SCGB2A1: variants seen among roughly 807,000 people sequenced by gnomAD.
The protein encoded by SCGB2A1 is secretoglobin family 2A member 1.
Under a neutral mutation model 9.2 loss-of-function variants are expected in SCGB2A1, and 6 were observed. That is an observed-to-expected ratio of 0.66 (90% CI 0.36 to 1.29). The LOEUF (loss-of-function observed/expected upper bound fraction) is 1.29. SCGB2A1 is among the 50% of genes most tolerant of loss of function. The probability of loss-of-function intolerance (pLI) is 0.03; values close to 1 mark genes in which losing one functional copy is unlikely to be tolerated. For missense variants in SCGB2A1, 138 were observed against 116.9 expected, an observed-to-expected ratio of 1.18 and a Z score of -0.83; for synonymous variants, 37 against 41.0, an observed-to-expected ratio of 0.90 and a Z score of 0.37.
intron 2 of SCGB2A1, among the ~76,000 whole-genome samples, chr11:62,211,410 AT>A (rs1944830099): frequency 6.6e-6 from 1 of 151,422 alleles, no homozygotes; most frequent in Admixed American, 6.6e-5. Context: ...AAAGAAAAAA[AT>A]TTTTTTGAGA....
At chr11:62,209,026 CG>C (rs1944806918) in intron 1 of SCGB2A1, among the ~76,000 whole-genome samples, 1 of 152,088 alleles carries the variant, frequency 6.6e-6, no homozygotes, top group South Asian at 2.1e-4. Context: ...ACCATGGTCA[CG>C]GTGACCATAG....
intron 1 of SCGB2A1, among the ~76,000 whole-genome samples, chr11:62,209,785 C>T (rs1590654084): frequency 6.6e-6 from 1 of 152,104 alleles, no homozygotes; most frequent in Non-Finnish European, 1.5e-5. Context: ...AGTAATGCTC[C>T]TGCCTCAGCC....
At chr11:62,213,107 T>TATATATATATATATA (rs1554985927) in intron 2 of SCGB2A1, among the ~76,000 whole-genome samples, 1 of 11,308 alleles carries the variant, frequency 8.8e-5, no homozygotes, top group Admixed American at 1.7e-3. Context: ...TATATATATA[T>TATATATATATATATA]TTTTTTTTTT....
intron 2 of SCGB2A1, among the ~76,000 whole-genome samples, chr11:62,213,106 A>ATATATTTTTTTTTTTT (rs67975205): frequency 8.6e-6 from 1 of 116,252 alleles, no homozygotes; most frequent in African/African-American, 3.4e-5. Context: ...ATATATATAT[A>ATATATTTTTTTTTTTT]TTTTTTTTTT....
chr11:62,211,963 C>T (rs189071783), intron 2 of SCGB2A1, among the ~76,000 whole-genome samples: 1 of 152,212 alleles, frequency 6.6e-6, no homozygotes, highest in African/African-American at 2.4e-5. Flanking sequence ...GCTCTTGTTG[C>T]TCAGGCTGGA....
At chr11:62,211,617 C>T (rs1944831791) in intron 2 of SCGB2A1, among the ~76,000 whole-genome samples, 1 of 152,124 alleles carries the variant, frequency 6.6e-6, no homozygotes, top group Non-Finnish European at 1.5e-5. Flanking sequence ...CCAGGCTGGT[C>T]TTGAACTCCT....
chr11:62,213,091 C>CATATATAT (rs1554985897), intron 2 of SCGB2A1, among the ~76,000 whole-genome samples: 2 of 13,856 alleles, frequency 1.4e-4, no homozygotes. Context: ...CATATATACA[C>CATATATAT]ATATATATAT....
At position 62,210,386 on chromosome 11, in the gene SCGB2A1, C is replaced by CTT. The variant is rs201416395; in HGVS notation, c.56-6_56-5dup. ...CTAGTAATGGCCCATGTTCTTGTGTCTTTTTTTTTTTTTTTTTTTTTTCCA... is the reference window on the plus strand; with the variant it reads ...CTAGTAATGGCCCATGTTCTTGTGTCTTTTTTTTTTTTTTTTTTTTTTTTCCA... On this transcript the variant is annotated intron_variant, in intron 1 of 2. Transcript: ENST00000244930. 4,510 of 1,346,364 alleles carry CTT rather than the reference C, an allele frequency of 3.3e-3. 54 individuals carry two copies. In the African/African-American group the frequency reaches 0.041, roughly 12 times the overall value. 83.4% of individuals were successfully genotyped at this position (1,346,364 alleles called of 1,614,324 possible).
intron 2 of SCGB2A1, among the ~76,000 whole-genome samples, chr11:62,212,887 T>C (rs1944841070): frequency 1.3e-5 from 2 of 149,784 alleles, no homozygotes; most frequent in African/African-American, 2.5e-5. Context: ...AGGTGCACAC[T>C]AACACACCTG....
chr11:62,212,329 A>T (rs1352061926), intron 2 of SCGB2A1, among the ~76,000 whole-genome samples: 3 of 151,822 alleles, frequency 2.0e-5, no homozygotes, highest in Non-Finnish European at 4.4e-5. Context: ...TGGTTGAATC[A>T]TTTTTTTCTT....
At chr11:62,213,091 C>CACATATATATAT (rs57411910) in intron 2 of SCGB2A1, among the ~76,000 whole-genome samples, 324 of 13,862 alleles carry the variant, frequency 0.023, 24 homozygotes, top group South Asian at 0.11. Context: ...CATATATACA[C>CACATATATATAT]ATATATATAT....
intron 2 of SCGB2A1, among the ~76,000 whole-genome samples, chr11:62,213,104 A>ATTTTTTT (rs1275288053): frequency 1.1e-4 from 4 of 35,330 alleles, no homozygotes; most frequent in Admixed American, 4.3e-4. Context: ...ATATATATAT[A>ATTTTTTT]TATTTTTTTT....
rs67975205 is a variant in SCGB2A1, at chr11:62,213,106, A to ATATTTTT, written c.244-619_244-618insATTTTTT. The stretch of plus-strand genomic sequence containing the variant: ...CATATATACACATATATATATATAT[A>ATATTTTT]TTTTTTTTTTTGTAGAGATGGCATT... On this transcript the variant is annotated intron_variant, in intron 2 of 2. Coordinates refer to ENST00000244930, the MANE Select transcript of SCGB2A1 (RefSeq NM_002407.3). Among the ~76,000 whole-genome samples the ATATTTTT allele has an allele frequency of 2.1e-3, 247 of 116,228 alleles. 14 individuals carry two copies. The highest frequency in any genetic ancestry group is 7.4e-3 in the South Asian group (28 of 3,768). 76.3% of individuals were successfully genotyped at this position (116,228 alleles called of 152,430 possible). A position where few individuals can be genotyped will look rare whatever the true frequency, so the allele number is the denominator to read the frequency against.
Position 62,208,778 on chromosome 11 carries a change from G to A in SCGB2A1, c.47G>A (p.Cys16Tyr). The A allele has an allele frequency of 1.2e-6, 2 of 1,613,328 alleles. No individual in the cohort carries two copies. ...ATGCTGGCGGCCCTCCTCCTGCACT[G>A]CTATGCAGGTGAGTTCTGGGCAGAG... ...VLMLAALLLH[C>Y]YADSGCKLLE... The change falls in exon 1 of 3, where the codon TGC (cysteine) becomes TAC (tyrosine). Residue 16 changes from cysteine (C) to tyrosine (Y), a missense_variant. Coordinates refer to ENST00000244930, the MANE Select transcript of SCGB2A1 (RefSeq NM_002407.3).
At chr11:62,209,634 C>CATGT (rs1944811871) in intron 1 of SCGB2A1, among the ~76,000 whole-genome samples, 2 of 82,372 alleles carry the variant, frequency 2.4e-5, no homozygotes, top group Admixed American at 2.8e-4. Flanking sequence ...ATTTCACATT[C>CATGT]ATGTGTGTGT....
chr11:62,210,696 C>T (rs921797428), intron 2 of SCGB2A1, 96 bp downstream of exon 2: 3 of 930,332 alleles, frequency 3.2e-6, no homozygotes, highest in Non-Finnish European at 4.6e-6. Flanking sequence ...AACTGGTGAA[C>T]AAACTTTCTT....
intron 2 of SCGB2A1, among the ~76,000 whole-genome samples, chr11:62,212,781 G>C (rs1162315780): frequency 2.0e-5 from 3 of 151,596 alleles, no homozygotes; most frequent in African/African-American, 7.3e-5. Context: ...TTTTGCCCAG[G>C]CTGGAATGCA....
At chr11:62,209,616 C>A (rs1035777528) in intron 1 of SCGB2A1, among the ~76,000 whole-genome samples, 8 of 149,916 alleles carry the variant, frequency 5.3e-5, no homozygotes, top group African/African-American at 2.0e-4. Context: ...CCCTCATGAA[C>A]AAGCTCTATT....
chr11:62,212,935 C>CACACATATGTACACACATATGT (rs1227819739), intron 2 of SCGB2A1, among the ~76,000 whole-genome samples: 19 of 133,772 alleles, frequency 1.4e-4, no homozygotes, highest in African/African-American at 5.3e-4. Context: ...CACATATATA[C>CACACATATGTACACACATATGT]ACACATATGT....
Sources: gnomAD v4.1 joint callset for allele counts (sites outside exome capture counted in the v4.1 genomes callset) on GRCh38, gnomAD v4.1.1 for gene constraint, MANE v1.5 for transcripts, NCBI Gene and HGNC (gene_info 2026-07-23, HGNC 2026-07-21) for gene names.